Variants in CPNE4 observed in about 807,000 individuals in gnomAD.
The protein encoded by CPNE4 is copine-4.
A neutral mutation model predicts 67.9 loss-of-function variants in CPNE4; 25 were observed. The observed-to-expected ratio is 0.37, with a 90% confidence interval of 0.27 to 0.51. CPNE4 has a LOEUF of 0.51. Ranked by LOEUF, CPNE4 falls within the 20% of genes least tolerant of loss-of-function variation. CPNE4 has a pLI of 0.93. For missense variants in CPNE4, 464 were observed against 690.8 expected (o/e 0.67, Z 3.68); for synonymous variants, 242 against 244.9 (o/e 0.99, Z 0.11).
upstream of CPNE4, among the ~76,000 whole-genome samples, chr3:132,038,341 CT>C (rs1361559875): frequency 6.6e-6 from 1 of 152,132 alleles, no homozygotes; most frequent in Non-Finnish European, 1.5e-5. Context: ...TCTGTCATTC[CT>C]TTTTATGAGA....
intron 11 of CPNE4, among the ~76,000 whole-genome samples, chr3:131,561,965 G>C (rs564684071): frequency 2.0e-5 from 3 of 151,944 alleles, no homozygotes; most frequent in Non-Finnish European, 4.4e-5. Flanking sequence ...TTAAGTATTT[G>C]CCCATTTTAA....
At chr3:131,688,580 G>A (rs1398388914) in intron 5 of CPNE4, among the ~76,000 whole-genome samples, 1 of 152,070 alleles carries the variant, frequency 6.6e-6, no homozygotes, top group Non-Finnish European at 1.5e-5. Context: ...GTAACTTCAC[G>A]CTTTGCCTCT....
intron 12 of CPNE4, among the ~76,000 whole-genome samples, chr3:131,553,633 G>C (rs1032801305): frequency 4.6e-5 from 7 of 152,210 alleles, no homozygotes; most frequent in Admixed American, 1.3e-4. Context: ...ACTCTGTGCT[G>C]ACTTCCACTT....
intron 10 of CPNE4, among the ~76,000 whole-genome samples, chr3:131,567,216 A>G (rs1020638425): frequency 4.6e-5 from 7 of 151,982 alleles, no homozygotes; most frequent in East Asian, 3.9e-4. Flanking sequence ...AGGCCAGAGG[A>G]AAAAAATCCA....
intron 5 of CPNE4, among the ~76,000 whole-genome samples, 154 bp downstream of exon 5, chr3:131,696,388 T>C (rs2081158290): frequency 6.6e-6 from 1 of 152,196 alleles, no homozygotes; most frequent in South Asian, 2.1e-4. Flanking sequence ...TGATCTTTAA[T>C]GTGGGGGAAA....
intron 1 of CPNE4, among the ~76,000 whole-genome samples, chr3:132,030,075 C>A (rs1486279367): frequency 5.3e-5 from 8 of 150,314 alleles, no homozygotes; most frequent in African/African-American, 9.8e-5. Context: ...GTAATAAGTC[C>A]CAAGCCTACT....
At position 131,610,648 on chromosome 3, in the gene CPNE4, C is replaced by T. The variant is rs115791308; in HGVS notation, c.682-23066G>A. Reference sequence around the variant, plus strand: ...TTCTCCTGAGATTTTGCTTTATATCCTACTTTTGCTTGTCTCCTTCTCCTC... The same window carrying T: ...TTCTCCTGAGATTTTGCTTTATATCTTACTTTTGCTTGTCTCCTTCTCCTC... On this transcript the variant is annotated intron_variant, in intron 7 of 15. Transcript: ENST00000429747. 5.9e-3 allele frequency among the ~76,000 whole-genome samples: 892 copies of T among 152,254 alleles called. 7 individuals carry two copies. Among genetic ancestry groups the T allele is most frequent in the African/African-American group, 0.02 (820 of 41,536 alleles).
rs557595188 is a variant in CPNE4, at chr3:131,760,454, GA to G, written c.181-36830del. ...TCTTCCTTAAAGTAATTTTTTGGAGGAAAAAAAAACTATTTCCAGTTTCCTG... is the reference window on the plus strand; with the variant it reads ...TCTTCCTTAAAGTAATTTTTTGGAGGAAAAAAAACTATTTCCAGTTTCCTG... On this transcript the variant is annotated intron_variant, in intron 2 of 15. Coordinates refer to ENST00000429747, the MANE Select transcript of CPNE4 (RefSeq NM_130808.3). Among the ~76,000 whole-genome samples, 1,447 of 150,774 alleles carry G rather than the reference GA, an allele frequency of 9.6e-3. 20 individuals are homozygous for G. The highest frequency in any genetic ancestry group is 0.033 in the African/African-American group (1,364 of 41,144).
In CPNE4 at chr3:131,868,616, T is replaced by C. The variant is rs192668033; in HGVS notation, c.180+36648A>G. On this transcript the variant is annotated intron_variant, in intron 2 of 15. Transcript: ENST00000429747. ...TTCTAACTGACACAATTATAGAAAT[T>C]ATTACTTTTATTTTACAGATTTAAT... Among the ~76,000 whole-genome samples the C allele has an allele frequency of 3.6e-4, 55 of 152,296 alleles. No individual in the cohort carries two copies. In the East Asian group the frequency reaches 9.1e-3, roughly 25 times the overall value.
intron 7 of CPNE4, among the ~76,000 whole-genome samples, chr3:131,624,766 C>T (rs1015178480): frequency 4.6e-5 from 7 of 151,478 alleles, no homozygotes; most frequent in African/African-American, 1.7e-4. Flanking sequence ...TAACGTTTCT[C>T]CTAAGACTGG....
chr3:131,872,927 A>T (rs1204676407), intron 2 of CPNE4, among the ~76,000 whole-genome samples: 1 of 152,070 alleles, frequency 6.6e-6, no homozygotes, highest in African/African-American at 2.4e-5. Context: ...ATGTAGACAA[A>T]CTAACCTTTA....
At chr3:131,706,464 G>A (rs2081415951) in intron 3 of CPNE4, among the ~76,000 whole-genome samples, 1 of 152,152 alleles carries the variant, frequency 6.6e-6, no homozygotes, top group Admixed American at 6.5e-5. Context: ...TGAGAAAATT[G>A]AGGTATACAG....
At chr3:131,835,224 G>C (rs2085508784) in intron 2 of CPNE4, among the ~76,000 whole-genome samples, 2 of 152,102 alleles carry the variant, frequency 1.3e-5, no homozygotes, top group African/African-American at 4.8e-5. Flanking sequence ...ACCACAAAAG[G>C]GTACAGAATA....
intron 2 of CPNE4, among the ~76,000 whole-genome samples, chr3:131,799,484 A>G (rs2084013325): frequency 6.6e-6 from 1 of 152,102 alleles, no homozygotes; most frequent in East Asian, 1.9e-4. Flanking sequence ...ATTATTTTCT[A>G]CCTACTCTGG....
chr3:131,722,503 C>G (rs2081912906), intron 3 of CPNE4, among the ~76,000 whole-genome samples: 1 of 146,124 alleles, frequency 6.8e-6, no homozygotes, highest in African/African-American at 2.5e-5. Flanking sequence ...ACTTGGAAGT[C>G]TCCCCTCCTC....
chr3:131,878,489 G>A (rs769566268), intron 2 of CPNE4, among the ~76,000 whole-genome samples: 1 of 152,160 alleles, frequency 6.6e-6, no homozygotes, highest in Non-Finnish European at 1.5e-5. Context: ...AAACAGAAGA[G>A]GCAAAAGAGG....
Position 131,600,413 on chromosome 3 carries a change from G to A in CPNE4, c.682-12831C>T, listed in dbSNP as rs142807927. 6.5e-3 allele frequency among the ~76,000 whole-genome samples: 986 copies of A among 152,284 alleles called. 12 individuals are homozygous for A. Among genetic ancestry groups the A allele is most frequent in the African/African-American group, 0.023 (943 of 41,548 alleles). ...CAAAGACCTGTTTGAAACTTGCAAGGAAATGATTGAAGGGTTAACTTTAAA... is the reference window on the plus strand; with the variant it reads ...CAAAGACCTGTTTGAAACTTGCAAGAAAATGATTGAAGGGTTAACTTTAAA... On this transcript the variant is annotated intron_variant, in intron 7 of 15. Coordinates refer to ENST00000429747, the MANE Select transcript of CPNE4 (RefSeq NM_130808.3).
intron 5 of CPNE4, among the ~76,000 whole-genome samples, chr3:131,690,856 A>C (rs530921010): frequency 2.6e-5 from 4 of 152,306 alleles, no homozygotes; most frequent in African/African-American, 9.6e-5. Context: ...TTCAATAAGC[A>C]AAAATAAATA....
At chr3:131,914,866 C>T (rs1282126179) in intron 1 of CPNE4, among the ~76,000 whole-genome samples, 1 of 152,118 alleles carries the variant, frequency 6.6e-6, no homozygotes, top group Non-Finnish European at 1.5e-5. Flanking sequence ...ATCCCAGCTA[C>T]TCAGGGGGCT....
Sources: allele counts gnomAD v4.1 joint callset (sites outside exome capture counted in the v4.1 genomes callset), GRCh38; gene constraint gnomAD v4.1.1; transcripts MANE v1.5; gene names NCBI Gene and HGNC (gene_info 2026-07-23, HGNC 2026-07-21).